The following SCAPER variants were observed in gnomAD, a reference collection of about 807,000 sequenced individuals.
SCAPER encodes S-phase cyclin A associated protein in the ER, also known as S phase cyclin A-associated protein in the endoplasmic reticulum.
Under a neutral mutation model 182.2 loss-of-function variants are expected in SCAPER, and 98 were observed. The observed-to-expected ratio is 0.54, with a 90% CI of 0.46 to 0.64. The LOEUF is 0.64. Among genes scored for constraint, SCAPER ranks in the 30% least tolerant of loss-of-function variants. The probability of loss-of-function intolerance (pLI) is 0.00; values close to 1 mark genes in which losing one functional copy is unlikely to be tolerated. For synonymous variants in SCAPER, 605 were observed against 564.6 expected (o/e 1.07, Z -1.01); for missense variants, 1,432 against 1,690.0 (o/e 0.85, Z 2.68).
At chr15:76,455,474 G>T (rs1412555143) in intron 25 of SCAPER, among the ~76,000 whole-genome samples, 2 of 151,444 alleles carry the variant, frequency 1.3e-5, no homozygotes, top group African/African-American at 4.8e-5. Flanking sequence ...TGTAAGCATT[G>T]TTTTTTTTAA....
At chr15:76,847,961 C>T (rs35645941) in intron 4 of SCAPER, among the ~76,000 whole-genome samples, 23,396 of 152,100 alleles carry the variant, frequency 0.15, 2,031 homozygotes, top group African/African-American at 0.24. Flanking sequence ...GAAGCTCTCT[C>T]CCTGTATTTA....
chr15:76,799,820 A>G (rs977536297), intron 7 of SCAPER, among the ~76,000 whole-genome samples: 1 of 152,132 alleles, frequency 6.6e-6, no homozygotes, highest in African/African-American at 2.4e-5. Context: ...GGCTGTGGTA[A>G]TAAATGGAGC....
rs140105508 is a variant in SCAPER at position 76,842,383 on chromosome 15, G to A, written c.196-452C>T. On this transcript the variant is annotated intron_variant, in intron 4 of 31. Transcript: ENST00000563290. Reference sequence around the variant, plus strand: ...TCATGGGGGCAGTTTCCCCCATGCTGTTCTCATGATAGTAAGTTCTCACAA... The same window carrying A: ...TCATGGGGGCAGTTTCCCCCATGCTATTCTCATGATAGTAAGTTCTCACAA... 9.1e-3 allele frequency among the ~76,000 whole-genome samples: 1,381 copies of A among 152,264 alleles called. 22 individuals carry two copies. The highest frequency in any genetic ancestry group is 0.032 in the African/African-American group (1,341 of 41,546).
intron 26 of SCAPER, 79 bp from the exon 27 acceptor site, chr15:76,404,758 T>C (rs568521589): frequency 6.8e-7 from 1 of 1,469,076 alleles, no homozygotes. Context: ...AATGCTACCA[T>C]ACACAGGCTT....
intron 23 of SCAPER, among the ~76,000 whole-genome samples, chr15:76,511,839 ATATATGTGTG>A (rs760933608): frequency 0.014 from 585 of 42,438 alleles, 6 homozygotes; most frequent in Middle Eastern, 0.07. Context: ...TTATATATAT[ATATATGTGTG>A]TGTGTGTGTG....
At position 76,765,655 on chromosome 15, in the gene SCAPER, G is replaced by C; in HGVS notation, c.1420-17C>G. 6.4e-7 allele frequency: 1 copy of C among 1,555,242 alleles called. No individual in the cohort carries two copies. Among genetic ancestry groups the C allele is most frequent in the East Asian group, 2.4e-5 (1 of 42,078 alleles). Reference sequence around the variant, plus strand: ...CATGCTGGCCTAAAATGTAATAAGGGAAGTTGAAAATCAAATCTTTGAACA... The same window carrying C: ...CATGCTGGCCTAAAATGTAATAAGGCAAGTTGAAAATCAAATCTTTGAACA... On this transcript the variant is annotated splice_polypyrimidine_tract_variant and intron_variant, in intron 11 of 31. Coordinates refer to ENST00000563290, the MANE Select transcript of SCAPER (RefSeq NM_020843.4).
At chr15:76,361,437 T>G (rs1262483457) in intron 29 of SCAPER, among the ~76,000 whole-genome samples, 3 of 152,170 alleles carry the variant, frequency 2.0e-5, no homozygotes, top group African/African-American at 7.2e-5. Flanking sequence ...GCCCAGTTTT[T>G]CCACAAAATC....
chr15:76,591,493 G>A (rs1200569896), intron 22 of SCAPER, among the ~76,000 whole-genome samples: 7 of 152,156 alleles, frequency 4.6e-5, no homozygotes, highest in South Asian at 2.1e-4. Context: ...ACAGGGTCTC[G>A]CTCTGTTGCC....
intron 8 of SCAPER, among the ~76,000 whole-genome samples, chr15:76,791,857 C>A (rs2151454238): frequency 6.6e-6 from 1 of 152,054 alleles, no homozygotes; most frequent in Admixed American, 6.5e-5. Flanking sequence ...AATTAAAACA[C>A]ATCAAACTTA....
At position 76,559,201 on chromosome 15, in the gene SCAPER, A is replaced by ATTTTT. The variant is rs58642207; in HGVS notation, c.2838+14952_2838+14956dup. Among the ~76,000 whole-genome samples the ATTTTT allele has an allele frequency of 4.2e-3, 505 of 121,668 alleles. 2 individuals carry two copies. The highest frequency in any genetic ancestry group is 0.018 in the African/African-American group (469 of 26,572). The allele number at this position is 121,668 out of a possible 152,430, so 79.8% of individuals were successfully genotyped here. ...AGGCACCCACCACCACACCCAGCTA[A>ATTTTT]TTTTTTTTTTTTTTTTTTTTTTTTT... is the stretch of plus-strand genomic sequence containing the variant. On this transcript the variant is annotated intron_variant, in intron 23 of 31. Transcript: ENST00000563290.
chr15:76,587,570 T>C (rs1461249222), intron 22 of SCAPER, among the ~76,000 whole-genome samples: 8 of 152,232 alleles, frequency 5.3e-5, no homozygotes, highest in Non-Finnish European at 2.9e-5. Flanking sequence ...GTTATTTAAT[T>C]TCCATGTATT....
intron 24 of SCAPER, among the ~76,000 whole-genome samples, chr15:76,473,173 C>T (rs529147048): frequency 1.3e-5 from 2 of 152,308 alleles, no homozygotes; most frequent in African/African-American, 4.8e-5. Context: ...TGTCAACCCT[C>T]ACTCTAAACT....
chr15:76,533,353 C>T (rs1379297227), intron 23 of SCAPER, among the ~76,000 whole-genome samples: 1 of 152,172 alleles, frequency 6.6e-6, no homozygotes, highest in Non-Finnish European at 1.5e-5. Context: ...TCTATTTTTA[C>T]TGTATCTTTT....
chr15:76,588,803 G>A (rs2048885385), intron 22 of SCAPER, among the ~76,000 whole-genome samples: 1 of 151,956 alleles, frequency 6.6e-6, no homozygotes, highest in African/African-American at 2.4e-5. Flanking sequence ...TTTTGGGGGG[G>A]GTGTTAAAGA....
At chr15:76,878,061 A>G (rs1021292634) in intron 2 of SCAPER, among the ~76,000 whole-genome samples, 2 of 152,212 alleles carry the variant, frequency 1.3e-5, no homozygotes, top group African/African-American at 4.8e-5. Flanking sequence ...ATATGTGTGC[A>G]GGTAGATATG....
intron 23 of SCAPER, among the ~76,000 whole-genome samples, chr15:76,572,917 T>A (rs2468115): frequency 0.87 from 115,692 of 133,366 alleles, 51,624 homozygotes; most frequent in East Asian, 0.96. Flanking sequence ...TCTCTCTCTC[T>A]CTCACACACA....
At chr15:76,618,558 TAA>T (rs2051713162) in intron 22 of SCAPER, among the ~76,000 whole-genome samples, 1 of 152,194 alleles carries the variant, frequency 6.6e-6, no homozygotes, top group Non-Finnish European at 1.5e-5. Context: ...TTTCCATTTA[TAA>T]AAGTCTTTTA....
intron 5 of SCAPER, among the ~76,000 whole-genome samples, chr15:76,839,291 A>C (rs1353167740): frequency 6.6e-6 from 1 of 152,212 alleles, no homozygotes; most frequent in Admixed American, 6.5e-5. Context: ...TAAAGGATAA[A>C]AATCACAAAT....
intron 23 of SCAPER, among the ~76,000 whole-genome samples, chr15:76,524,689 GTTTTTTT>G (rs35944222): frequency 1.6e-4 from 8 of 50,118 alleles, no homozygotes; most frequent in Non-Finnish European, 2.5e-4. Flanking sequence ...TTTTTGTTCT[GTTTTTTT>G]TTTTTTTTTT....
Sources: allele counts gnomAD v4.1 joint callset (sites outside exome capture counted in the v4.1 genomes callset), GRCh38; gene constraint gnomAD v4.1.1; transcripts MANE v1.5; gene names NCBI Gene and HGNC (gene_info 2026-07-23, HGNC 2026-07-21).